TNIK: variants seen among roughly 807,000 people sequenced by gnomAD.
The protein encoded by TNIK is TRAF2 and NCK interacting kinase.
A neutral mutation model predicts 191.3 loss-of-function variants in TNIK; 49 were observed. The observed-to-expected ratio is 0.26, with a 90% confidence interval of 0.20 to 0.32. TNIK has a LOEUF of 0.32. TNIK is among the 10% of genes least tolerant of loss of function. The pLI is 1.00. For missense variants in TNIK, 1,155 were observed against 1,702.3 expected (o/e 0.68, Z 5.66); for synonymous variants, 594 against 600.9 (o/e 0.99, Z 0.17).
At chr3:171,192,098 A>G (rs1331646790) in intron 5 of TNIK, among the ~76,000 whole-genome samples, 1 of 152,200 alleles carries the variant, frequency 6.6e-6, no homozygotes, top group African/African-American at 2.4e-5. Flanking sequence ...CAGAGGTCCA[A>G]AAAGACCCAC....
chr3:171,149,222 G>A (rs961240792), intron 12 of TNIK, among the ~76,000 whole-genome samples: 1 of 152,156 alleles, frequency 6.6e-6, no homozygotes, highest in African/African-American at 2.4e-5. Flanking sequence ...CTTAGACAAC[G>A]GAGGGTAGGT....
intron 2 of TNIK, among the ~76,000 whole-genome samples, chr3:171,233,345 A>G (rs1294170022): frequency 6.6e-6 from 1 of 152,152 alleles, no homozygotes; most frequent in Non-Finnish European, 1.5e-5. Context: ...ATGAAAATAA[A>G]TCAAATCAAA....
chr3:171,164,739 C>A (rs1479827567), intron 10 of TNIK, among the ~76,000 whole-genome samples: 3 of 152,210 alleles, frequency 2.0e-5, no homozygotes. Context: ...CTTAAAAATT[C>A]TGACTTCATG....
intron 1 of TNIK, among the ~76,000 whole-genome samples, chr3:171,423,758 G>A (rs916603498): frequency 2.1e-4 from 32 of 152,158 alleles, no homozygotes; most frequent in African/African-American, 4.1e-4. Flanking sequence ...AATAAATGGC[G>A]CTGGGAAAAC....
intron 1 of TNIK, among the ~76,000 whole-genome samples, chr3:171,459,225 GACACAC>G (rs10656785): frequency 6.6e-6 from 1 of 150,386 alleles, no homozygotes; most frequent in Non-Finnish European, 1.5e-5. Context: ...AACACACACA[GACACAC>G]ACACACACAC....
chr3:171,357,528 A>T (rs1714275434), intron 2 of TNIK, among the ~76,000 whole-genome samples: 1 of 146,854 alleles, frequency 6.8e-6, no homozygotes, highest in Admixed American at 6.8e-5. Flanking sequence ...ACCTCAGGTG[A>T]TCCATCTGCC....
intron 8 of TNIK, among the ~76,000 whole-genome samples, chr3:171,176,706 C>A (rs947976870): frequency 3.9e-5 from 6 of 152,204 alleles, no homozygotes; most frequent in Non-Finnish European, 5.9e-5. Context: ...TTGAAAGGTG[C>A]GGCCTGCTGC....
In TNIK at chr3:171,212,400, C is replaced by T. The variant is rs1229695157; in HGVS notation, c.181-1159G>A. On this transcript the variant is annotated intron_variant, in intron 3 of 32. Transcript: ENST00000436636. The stretch of plus-strand genomic sequence containing the variant: ...GCATCTGGTCATAGCCCCTACACTC[C>T]TTCACATACCTGCTGTATTTGTTGA... Among the ~76,000 whole-genome samples the T allele has an allele frequency of 9.1e-4, 139 of 152,158 alleles. 3 individuals carry two copies. Among genetic ancestry groups the T allele is most frequent in the Non-Finnish European group, 8.8e-5 (6 of 68,038 alleles).
At chr3:171,165,371 C>T (rs1734481115) in intron 10 of TNIK, among the ~76,000 whole-genome samples, 1 of 142,308 alleles carries the variant, frequency 7.0e-6, no homozygotes, top group Non-Finnish European at 1.5e-5. Context: ...CCCTTGAGCC[C>T]AGGAGTTTGA....
chr3:171,331,662 T>G (rs114529523), intron 2 of TNIK, among the ~76,000 whole-genome samples: 1 of 152,336 alleles, frequency 6.6e-6, no homozygotes, highest in African/African-American at 2.4e-5. Flanking sequence ...AATGGATTCA[T>G]TTAAATCACT....
intron 2 of TNIK, among the ~76,000 whole-genome samples, chr3:171,310,268 G>C (rs1367918056): frequency 6.6e-6 from 1 of 151,912 alleles, no homozygotes; most frequent in Non-Finnish European, 1.5e-5. Context: ...ACAAACAGTG[G>C]GACTGGGCTC....
intron 1 of TNIK, among the ~76,000 whole-genome samples, chr3:171,374,232 C>T (rs946002862): frequency 6.6e-6 from 1 of 152,084 alleles, no homozygotes; most frequent in Non-Finnish European, 1.5e-5. Context: ...TCCTCCTTAC[C>T]CCAATCCCAA....
chr3:171,333,182 C>G (rs1756580614), intron 2 of TNIK, among the ~76,000 whole-genome samples: 1 of 151,658 alleles, frequency 6.6e-6, no homozygotes, highest in African/African-American at 2.4e-5. Flanking sequence ...GTGTGTGTGT[C>G]TCTTTTTAAT....
intron 2 of TNIK, among the ~76,000 whole-genome samples, chr3:171,322,970 G>A (rs1163923723): frequency 6.6e-6 from 1 of 151,672 alleles, no homozygotes; most frequent in Non-Finnish European, 1.5e-5. Flanking sequence ...GGGAGAAAAC[G>A]TTTTAAAAGA....
intron 10 of TNIK, among the ~76,000 whole-genome samples, chr3:171,161,599 T>C (rs2108735677): frequency 6.6e-6 from 1 of 152,304 alleles, no homozygotes; most frequent in East Asian, 1.9e-4. Flanking sequence ...TTTTTTAATT[T>C]TTTTATTAAT....
chr3:171,383,477 C>G (rs542502566), intron 1 of TNIK, among the ~76,000 whole-genome samples: 1 of 152,202 alleles, frequency 6.6e-6, no homozygotes. Context: ...GGCAACCTGA[C>G]TGGAATGCTG....
chr3:171,247,367 T>C (rs1358384248), intron 2 of TNIK, among the ~76,000 whole-genome samples: 1 of 152,196 alleles, frequency 6.6e-6, no homozygotes, highest in Admixed American at 6.5e-5. Context: ...ACAGGACATG[T>C]AGATGGTGTT....
rs1722369741 is a variant in TNIK, at chr3:171,093,832, A to G, written c.2721+7T>C. The G allele has an allele frequency of 1.9e-6, 3 of 1,613,214 alleles. No individual in the cohort carries two copies. Among genetic ancestry groups the G allele is most frequent in the African/African-American group, 2.7e-5 (2 of 75,030 alleles). On this transcript the variant is annotated splice_region_variant and intron_variant, in intron 23 of 32. Coordinates refer to ENST00000436636, the MANE Select transcript of TNIK (RefSeq NM_015028.4). ...ATTTCCTCTACACAGTTTTTATACCAACTTACCTCTCTAATCATCAAGGTT... is the reference window on the plus strand; with the variant it reads ...ATTTCCTCTACACAGTTTTTATACCGACTTACCTCTCTAATCATCAAGGTT...
chr3:171,314,843 C>G (rs1295699889), intron 2 of TNIK, among the ~76,000 whole-genome samples: 1 of 152,062 alleles, frequency 6.6e-6, no homozygotes, highest in Non-Finnish European at 1.5e-5. Flanking sequence ...GAGGTCAGGC[C>G]GCACCCCATA....
Sources: allele counts gnomAD v4.1 joint callset (sites outside exome capture counted in the v4.1 genomes callset), GRCh38; gene constraint gnomAD v4.1.1; transcripts MANE v1.5; gene names NCBI Gene and HGNC (gene_info 2026-07-23, HGNC 2026-07-21).